Variants in KCNQ1 observed in about 807,000 individuals in gnomAD.
The protein encoded by KCNQ1 is potassium voltage-gated channel subfamily KQT member 1.
KCNQ1 carries 49 observed loss-of-function variants against 72.4 expected under a neutral mutation model. The ratio of observed to expected loss-of-function variants is 0.68; its 90% CI spans 0.54 to 0.86. The LOEUF (loss-of-function observed/expected upper bound fraction) is 0.86, where lower values mean the gene tolerates loss of function less well. Among genes scored for constraint, KCNQ1 ranks in the 40% least tolerant of loss-of-function variants. The pLI, the probability that KCNQ1 is intolerant of heterozygous loss-of-function variation, is 0.00. For synonymous variants in KCNQ1, 450 were observed against 412.6 expected, an observed-to-expected ratio of 1.09 and a Z score of -1.10; for missense variants, 790 against 945.1, an observed-to-expected ratio of 0.84 and a Z score of 2.15.
rs1846685118 is a variant in KCNQ1 at position 2,483,381 on chromosome 11, A to G, written c.386+37897A>G. Reference sequence around the variant, plus strand: ...GTACTGAGAGTTCCTGTGGACTCCTAGTATTAACATCTTAATAACGGGGTG... The same window carrying G: ...GTACTGAGAGTTCCTGTGGACTCCTGGTATTAACATCTTAATAACGGGGTG... On this transcript the variant is annotated intron_variant, in intron 1 of 15. Transcript: ENST00000155840. The surrounding 1 kb of genome is among the most constrained non-coding windows in gnomAD (Gnocchi z 6.1). 6.6e-6 allele frequency among the ~76,000 whole-genome samples: 1 copy of G among 152,220 alleles called. No individual in the cohort carries two copies.
Position 2,617,292 on chromosome 11 carries a change from C to CTT in KCNQ1, c.1393+28442_1393+28443dup, listed in dbSNP as rs977805746. On this transcript the variant is annotated intron_variant, in intron 10 of 15. Transcript: ENST00000155840. This position sits in a 1 kb window ranked among gnomAD's most constrained non-coding sequence, Gnocchi z 4.6. ...CTATCTCTGTATATTTGACTTTTTT[C>CTT]TTTTTAAGATTCTACATATAGGTGA... 5.3e-5 allele frequency: 21 copies of CTT among 398,078 alleles called. No homozygotes were observed. The highest frequency in any genetic ancestry group is 8.4e-5 in the Non-Finnish European group (19 of 225,790). The allele number at this position is 398,078 out of a possible 1,614,324, so 24.7% of individuals were successfully genotyped here.
intron 11 of KCNQ1, among the ~76,000 whole-genome samples, chr11:2,702,037 C>T (rs145211159): frequency 0.015 from 2,237 of 152,340 alleles, 23 homozygotes; most frequent in Non-Finnish European, 0.024. Context: ...CAGCTCAATT[C>T]CAGCCTCACT....
At chr11:2,609,429 C>T (rs137903564) in intron 10 of KCNQ1, 11 of 398,370 alleles carry the variant, frequency 2.8e-5, no homozygotes, top group African/African-American at 1.8e-4. Flanking sequence ...AGGTTTGTTT[C>T]GTGACTTAGC....
intron 10 of KCNQ1, chr11:2,610,793 T>C (rs1848968648): frequency 2.6e-6 from 1 of 377,846 alleles, no homozygotes. Flanking sequence ...TGGGTACCAC[T>C]GTTTCTGACG....
At position 2,620,428 on chromosome 11, in the gene KCNQ1, C is replaced by T. The variant is rs900428671; in HGVS notation, c.1393+31574C>T. 3.5e-4 allele frequency: 91 copies of T among 259,780 alleles called. 2 individuals carry two copies. The highest frequency in any genetic ancestry group is 1.1e-4 in the Non-Finnish European group (16 of 139,938). 16.1% of individuals were successfully genotyped at this position (259,780 alleles called of 1,614,324 possible). A position where few individuals can be genotyped will look rare whatever the true frequency, so the allele number is the denominator to read the frequency against. ...ACAGGGTTTTTCCATGTTGGTCAGG[C>T]TGGTCTCGAACTCCTGACCTCAGGT... On this transcript the variant is annotated intron_variant, in intron 10 of 15. Transcript: ENST00000155840. The surrounding 1 kb of genome is among the most constrained non-coding windows in gnomAD (Gnocchi z 4.5).
intron 4 of KCNQ1, 50 bp downstream of exon 4, chr11:2,571,453 C>T (rs534044729): frequency 6.6e-7 from 1 of 1,522,010 alleles, no homozygotes; most frequent in Non-Finnish European, 9.0e-7. Flanking sequence ...ACCCCGAGCA[C>T]CCCTCCTGAG....
chr11:2,822,468 G>A (rs1847757060), intron 15 of KCNQ1, among the ~76,000 whole-genome samples: 3 of 152,194 alleles, frequency 2.0e-5, no homozygotes, highest in Admixed American at 6.5e-5. Context: ...CAAGTGTTTA[G>A]TTAGAACTGT....
At chr11:2,666,130 C>G (rs1463941785) in intron 11 of KCNQ1, 4 of 398,622 alleles carry the variant, frequency 1.0e-5, no homozygotes, top group Non-Finnish European at 1.8e-5. Context: ...GCCCCTGTCT[C>G]TTCTGTTTTG....
intron 12 of KCNQ1, among the ~76,000 whole-genome samples, chr11:2,774,175 A>G (rs1281028933): frequency 2.6e-5 from 4 of 152,288 alleles, no homozygotes; most frequent in Admixed American, 2.0e-4. Context: ...AGAGAGAAGA[A>G]GGACTTAGCA....
chr11:2,611,873 T>G lies in KCNQ1; in HGVS notation c.1393+23019T>G, dbSNP rs1848984113. ...TTCCTTTGTTAGTTTATTTCCCCCATTTTTAAAGTGTAATCTGGAGGTTAC... is the reference window on the plus strand; with the variant it reads ...TTCCTTTGTTAGTTTATTTCCCCCAGTTTTAAAGTGTAATCTGGAGGTTAC... On this transcript the variant is annotated intron_variant, in intron 10 of 15. Coordinates refer to ENST00000155840, the MANE Select transcript of KCNQ1 (RefSeq NM_000218.3). The surrounding 1 kb of genome is among the most constrained non-coding windows in gnomAD (Gnocchi z 5.3). 2.5e-6 allele frequency: 1 copy of G among 398,374 alleles called. No individual in the cohort carries two copies. The highest frequency in any genetic ancestry group is 2.1e-5 in the African/African-American group (1 of 48,624). 24.7% of individuals were successfully genotyped at this position (398,374 alleles called of 1,614,324 possible).
chr11:2,573,621 C>T (rs1470720132), intron 6 of KCNQ1, among the ~76,000 whole-genome samples: 3 of 152,222 alleles, frequency 2.0e-5, no homozygotes, highest in Non-Finnish European at 2.9e-5. Context: ...GGCCTGTGGG[C>T]CCAGAGGCTG....
At chr11:2,583,401 C>G (rs1037534546) in intron 6 of KCNQ1, 34 bp from the exon 7 acceptor site, 3 of 1,485,064 alleles carry the variant, frequency 2.0e-6, no homozygotes, top group Non-Finnish European at 2.8e-6. Context: ...GCTCCAGTCC[C>G]ATCCGTGGCT....
In KCNQ1 at chr11:2,753,768, C is replaced by T. The variant is rs1846260303; in HGVS notation, c.1515-15076C>T. ...CTGGACCTTACTCTAGTTCTTCTTT[C>T]ATCCACTGGTGTATTCCTTTGGCCG... is the stretch of plus-strand genomic sequence containing the variant. On this transcript the variant is annotated intron_variant, in intron 11 of 15. Transcript: ENST00000155840. Among the ~76,000 whole-genome samples the T allele has an allele frequency of 2.0e-5, 3 of 152,234 alleles. No homozygotes were observed. The South Asian group carries it at 6.2e-4, about 32-fold the overall frequency.
intron 1 of KCNQ1, among the ~76,000 whole-genome samples, chr11:2,452,573 C>T (rs932612820): frequency 3.3e-5 from 5 of 152,200 alleles, no homozygotes; most frequent in Non-Finnish European, 5.9e-5. Context: ...TAAGCAGCCC[C>T]GGGAACCATG....
chr11:2,641,865 C>G (rs1042840517), intron 10 of KCNQ1: 2 of 398,240 alleles, frequency 5.0e-6, no homozygotes, highest in Non-Finnish European at 8.9e-6. Context: ...TCTTATTTTC[C>G]CAGCTCCATT....
rs1164804376 is a variant in KCNQ1 at position 2,593,448 on chromosome 11, G to A, written c.1393+4594G>A. Among the ~76,000 whole-genome samples, 1 of 152,196 alleles carries A rather than the reference G, an allele frequency of 6.6e-6. No individual in the cohort carries two copies. Among genetic ancestry groups the A allele is most frequent in the Admixed American group, 6.5e-5 (1 of 15,288 alleles). On this transcript the variant is annotated intron_variant, in intron 10 of 15. Transcript: ENST00000155840. The surrounding 1 kb of genome is among the most constrained non-coding windows in gnomAD (Gnocchi z 6.9). ...TCTGTGACGTAGGATCGGGCAGCACGCACCTTTCCACCTGGCCTGGAGGTG... is the reference window on the plus strand; with the variant it reads ...TCTGTGACGTAGGATCGGGCAGCACACACCTTTCCACCTGGCCTGGAGGTG...
intron 11 of KCNQ1, among the ~76,000 whole-genome samples, chr11:2,729,355 T>C (rs1845814472): frequency 6.6e-6 from 1 of 152,210 alleles, no homozygotes; most frequent in Non-Finnish European, 1.5e-5. Flanking sequence ...CACTGCCAGG[T>C]GGATTAAATG....
rs60763831 is a variant in KCNQ1 at position 2,544,252 on chromosome 11, A to ATATATGTG, written c.477+16239_477+16240insGTGTATAT. Among the ~76,000 whole-genome samples the ATATATGTG allele has an allele frequency of 1.5e-3, 197 of 135,284 alleles. 7 individuals are homozygous for ATATATGTG. The highest frequency in any genetic ancestry group is 5.9e-3 in the African/African-American group (182 of 30,830). 88.8% of individuals were successfully genotyped at this position (135,284 alleles called of 152,430 possible). A position where few individuals can be genotyped will look rare whatever the true frequency, so the allele number is the denominator to read the frequency against. ...TATATATATATGTGTGTGTGTGTAT[A>ATATATGTG]TATATATGTGTGTGTGTGTATATAT... On this transcript the variant is annotated intron_variant, in intron 2 of 15. Coordinates refer to ENST00000155840, the MANE Select transcript of KCNQ1 (RefSeq NM_000218.3). The surrounding 1 kb of genome is among the most constrained non-coding windows in gnomAD (Gnocchi z 4.4).
intron 10 of KCNQ1, chr11:2,631,260 T>C (rs189986863): frequency 2.5e-6 from 1 of 398,544 alleles, no homozygotes; most frequent in African/African-American, 2.1e-5. Context: ...TCCTGTAAAC[T>C]TCCCTTGTTA....
Sources: gnomAD v4.1 joint callset for allele counts (sites outside exome capture counted in the v4.1 genomes callset) on GRCh38, gnomAD v4.1.1 for gene constraint, Gnocchi (gnomAD v3.1) non-coding constraint, MANE v1.5 for transcripts, NCBI Gene and HGNC (gene_info 2026-07-23, HGNC 2026-07-21) for gene names.